Variants in C2orf42 observed in about 807,000 individuals in gnomAD.
C2orf42 encodes chromosome 2 open reading frame 42.
A neutral mutation model predicts 58.9 loss-of-function variants in C2orf42; 44 were observed. That is an observed-to-expected ratio of 0.75 (90% CI 0.59 to 0.96). C2orf42 has a LOEUF of 0.96. Ranked by LOEUF, C2orf42 falls within the 40% of genes least tolerant of loss-of-function variation. The probability of loss-of-function intolerance (pLI) is 0.00; values close to 1 mark genes in which losing one functional copy is unlikely to be tolerated. For missense variants in C2orf42, 630 were observed against 699.2 expected, an observed-to-expected ratio of 0.90 and a Z score of 1.12; for synonymous variants, 239 against 265.4, an observed-to-expected ratio of 0.90 and a Z score of 0.97.
At chr2:70,161,777 T>C (rs1673064361) in intron 8 of C2orf42, among the ~76,000 whole-genome samples, 1 of 149,182 alleles carries the variant, frequency 6.7e-6, no homozygotes, top group South Asian at 2.1e-4. Flanking sequence ...GAGGTGGAGG[T>C]TGAGGTGAGC....
chr2:70,186,198 T>C (rs1160097527), intron 1 of C2orf42, among the ~76,000 whole-genome samples: 1 of 151,882 alleles, frequency 6.6e-6, no homozygotes, highest in African/African-American at 2.4e-5. Context: ...ACATGAAGGA[T>C]CAGTTTGCTT....
chr2:70,186,306 G>GTA (rs1003113519), intron 1 of C2orf42, among the ~76,000 whole-genome samples: 3 of 150,930 alleles, frequency 2.0e-5, no homozygotes, highest in African/African-American at 7.3e-5. Flanking sequence ...ATACGTATAT[G>GTA]TATATATACA....
chr2:70,188,516 A>C (rs186507215), intron 1 of C2orf42, among the ~76,000 whole-genome samples: 1 of 152,282 alleles, frequency 6.6e-6, no homozygotes, highest in Non-Finnish European at 1.5e-5. Context: ...AAAAGAATAA[A>C]TCTTTTAGAC....
intron 9 of C2orf42, among the ~76,000 whole-genome samples, chr2:70,153,365 CTTT>C (rs1179352686): frequency 2.3e-5 from 3 of 131,920 alleles, no homozygotes; most frequent in African/African-American, 2.8e-5. Context: ...CTGGACAGAT[CTTT>C]TTTTTTTTTT....
intron 8 of C2orf42, 37 bp from the exon 9 acceptor site, chr2:70,160,824 G>C (rs1381788387): frequency 6.8e-7 from 1 of 1,475,924 alleles, no homozygotes; most frequent in Non-Finnish European, 9.1e-7. Context: ...AGGTGAGAGA[G>C]AAAACTTTCA....
At chr2:70,162,373 C>T (rs1041870085) in intron 8 of C2orf42, among the ~76,000 whole-genome samples, 8 of 151,362 alleles carry the variant, frequency 5.3e-5, no homozygotes, top group Non-Finnish European at 2.9e-5. Flanking sequence ...GCTGGCCTGG[C>T]GCACTGGCTC....
At chr2:70,184,691 G>A (rs1410719766) in intron 1 of C2orf42, among the ~76,000 whole-genome samples, 2 of 151,640 alleles carry the variant, frequency 1.3e-5, no homozygotes, top group African/African-American at 4.8e-5. Flanking sequence ...ATGTTGCCCA[G>A]GCTGGCTTTG....
At position 70,165,209 on chromosome 2, in the gene C2orf42, G is replaced by A. The variant is rs1389133556; in HGVS notation, c.1253-17C>T. On this transcript the variant is annotated splice_polypyrimidine_tract_variant and intron_variant, in intron 7 of 9. Coordinates refer to ENST00000264434, the MANE Select transcript of C2orf42 (RefSeq NM_017880.3). Reference sequence around the variant, plus strand: ...GAACAAAAGCTTCAACGTGAAAAAAGGACAAAATTAGATTACCAAAAAATA... The same window carrying A: ...GAACAAAAGCTTCAACGTGAAAAAAAGACAAAATTAGATTACCAAAAAATA... 2 of 1,461,044 alleles carry A rather than the reference G, an allele frequency of 1.4e-6. No homozygotes were observed. The highest frequency in any genetic ancestry group is 1.9e-6 in the Non-Finnish European group (2 of 1,048,000). The allele number at this position is 1,461,044 out of a possible 1,614,324, so 90.5% of individuals were successfully genotyped here.
chr2:70,158,396 T>G (rs1212377837), intron 9 of C2orf42, among the ~76,000 whole-genome samples: 1 of 152,052 alleles, frequency 6.6e-6, no homozygotes, highest in African/African-American at 2.4e-5. Context: ...TATCAAACAT[T>G]AATTTAAAAA....
chr2:70,161,630 C>T (rs1234945447), intron 8 of C2orf42, among the ~76,000 whole-genome samples: 2 of 151,854 alleles, frequency 1.3e-5, no homozygotes, highest in Non-Finnish European at 2.9e-5. Context: ...CACCTGAGGT[C>T]GGGAGTTTGA....
chr2:70,158,862 G>A (rs1446011615), intron 9 of C2orf42, among the ~76,000 whole-genome samples: 1 of 150,944 alleles, frequency 6.6e-6, no homozygotes, highest in Non-Finnish European at 1.5e-5. Context: ...AAAGTGCTGG[G>A]ATTACAGGCA....
At chr2:70,177,159 C>A (rs1188467330) in intron 4 of C2orf42, among the ~76,000 whole-genome samples, 1 of 151,824 alleles carries the variant, frequency 6.6e-6, no homozygotes, top group Admixed American at 6.6e-5. Flanking sequence ...GTAATCACAG[C>A]TACTTAGGAG....
chr2:70,173,273 T>TC (rs1298364870), intron 5 of C2orf42, among the ~76,000 whole-genome samples: 1 of 121,686 alleles, frequency 8.2e-6, no homozygotes, highest in Non-Finnish European at 1.7e-5. Flanking sequence ...AGTTCTTTTT[T>TC]TTTTTTTTTT....
intron 9 of C2orf42, among the ~76,000 whole-genome samples, chr2:70,153,365 C>CTTT (rs1179352686): frequency 7.6e-6 from 1 of 131,956 alleles, no homozygotes; most frequent in Admixed American, 8.0e-5. Context: ...CTGGACAGAT[C>CTTT]TTTTTTTTTT....
intron 6 of C2orf42, among the ~76,000 whole-genome samples, chr2:70,166,812 TA>T (rs1329554777): frequency 1.3e-5 from 2 of 152,168 alleles, no homozygotes; most frequent in East Asian, 1.9e-4. Flanking sequence ...GTATGCGAAG[TA>T]AGATGGGATG....
intron 9 of C2orf42, among the ~76,000 whole-genome samples, chr2:70,156,096 G>A (rs1220439244): frequency 2.6e-5 from 4 of 151,004 alleles, no homozygotes; most frequent in African/African-American, 7.3e-5. Flanking sequence ...CGGAGGTTGC[G>A]GTGAGCCGAG....
intron 8 of C2orf42, among the ~76,000 whole-genome samples, chr2:70,162,095 T>A (rs1179252739): frequency 1.3e-5 from 2 of 151,284 alleles, no homozygotes; most frequent in Non-Finnish European, 2.9e-5. Flanking sequence ...CACTGCAACC[T>A]CCGCCTCCCA....
chr2:70,179,628 T>C lies in C2orf42; in HGVS notation c.838A>G (p.Ile280Val). The change falls in exon 4 of 10, where the codon ATT becomes GTT. Residue 280 changes from isoleucine to valine, a missense_variant. Coordinates refer to ENST00000264434, the MANE Select transcript of C2orf42 (RefSeq NM_017880.3). ...GAATGGCAACCTAACTGGGGTACAA[T>C]AATCTCTTTAAGACCTAAAAAAAAG... is the stretch of plus-strand genomic sequence containing the variant. ...NFDSSGLKEI[I>V]VPQLGCHSES... is the part of the protein sequence containing the mutation. 6.9e-7 allele frequency: 1 copy of C among 1,444,236 alleles called. No homozygotes were observed. The highest frequency in any genetic ancestry group is 9.7e-7 in the Non-Finnish European group (1 of 1,026,754). 89.5% of individuals were successfully genotyped at this position (1,444,236 alleles called of 1,614,324 possible). A position where few individuals can be genotyped will look rare whatever the true frequency, so the allele number is the denominator to read the frequency against.
intron 9 of C2orf42, among the ~76,000 whole-genome samples, chr2:70,153,415 G>C (rs1310091785): frequency 6.8e-6 from 1 of 148,026 alleles, no homozygotes; most frequent in Non-Finnish European, 1.5e-5. Flanking sequence ...CCAGGCTGTA[G>C]TGGTGCGATC....
Sources: allele counts gnomAD v4.1 joint callset (sites outside exome capture counted in the v4.1 genomes callset), GRCh38; gene constraint gnomAD v4.1.1; transcripts MANE v1.5; gene names NCBI Gene and HGNC (gene_info 2026-07-23, HGNC 2026-07-21).